The following MAGI1 variants were observed in gnomAD, a reference collection of about 807,000 sequenced individuals.
MAGI1 encodes the protein membrane associated guanylate kinase, WW and PDZ domain containing 1, also known as membrane-associated guanylate kinase, WW and PDZ domain-containing protein 1.
MAGI1 carries 58 observed loss-of-function variants against 139.9 expected under a neutral mutation model. The ratio of observed to expected loss-of-function variants is 0.41; its 90% CI spans 0.34 to 0.52. MAGI1 has a LOEUF of 0.52. MAGI1 is among the 20% of genes least tolerant of loss of function. MAGI1 has a pLI of 0.12. For synonymous variants in MAGI1, 812 were observed against 737.9 expected, an observed-to-expected ratio of 1.10 and a Z score of -1.63; for missense variants, 1,874 against 1,901.6, an observed-to-expected ratio of 0.99 and a Z score of 0.27.
chr3:65,574,109 G>T (rs1036190590), intron 2 of MAGI1, among the ~76,000 whole-genome samples: 3 of 151,952 alleles, frequency 2.0e-5, no homozygotes, highest in African/African-American at 7.2e-5. Context: ...AAGAATACAA[G>T]ATCAATATAT....
intron 14 of MAGI1, 58 bp from the exon 15 acceptor site, chr3:65,383,681 C>T: frequency 9.8e-7 from 1 of 1,023,022 alleles, no homozygotes; most frequent in Non-Finnish European, 1.6e-6. Flanking sequence ...CAATGATACC[C>T]CCAAGATGAA....
At chr3:66,031,250 T>C (rs1030683523) in intron 1 of MAGI1, among the ~76,000 whole-genome samples, 2 of 152,246 alleles carry the variant, frequency 1.3e-5, no homozygotes, top group Non-Finnish European at 2.9e-5. Flanking sequence ...GTTACTTGTA[T>C]ATACAAACTC....
chr3:65,439,713 G>A (rs1045887153), intron 9 of MAGI1, among the ~76,000 whole-genome samples, 166 bp downstream of exon 9: 1 of 152,124 alleles, frequency 6.6e-6, no homozygotes, highest in African/African-American at 2.4e-5. Flanking sequence ...CCATCCAGAG[G>A]AACATGGAGA....
intron 1 of MAGI1, among the ~76,000 whole-genome samples, chr3:66,013,914 T>C (rs1290339606): frequency 1.3e-5 from 2 of 152,148 alleles, no homozygotes; most frequent in Non-Finnish European, 2.9e-5. Context: ...GAGATACTCA[T>C]ACACCTGACG....
intron 14 of MAGI1, among the ~76,000 whole-genome samples, chr3:65,386,960 AC>A (rs1200549452): frequency 1.3e-5 from 2 of 152,092 alleles, no homozygotes; most frequent in African/African-American, 4.8e-5. Context: ...GGCATGCAAA[AC>A]CCTTTTTATT....
chr3:65,703,647 A>C (rs2089769263), intron 1 of MAGI1, among the ~76,000 whole-genome samples: 1 of 152,208 alleles, frequency 6.6e-6, no homozygotes, highest in African/African-American at 2.4e-5. Context: ...AGGTCACACT[A>C]ATAGAAAGTG....
intron 1 of MAGI1, among the ~76,000 whole-genome samples, chr3:65,771,667 A>T (rs1176957771): frequency 6.6e-6 from 1 of 152,240 alleles, no homozygotes; most frequent in African/African-American, 2.4e-5. Flanking sequence ...AAAGCAAATA[A>T]GCTAGTCAGC....
chr3:65,811,970 G>GAT (rs1469125211), intron 1 of MAGI1, among the ~76,000 whole-genome samples: 1 of 151,420 alleles, frequency 6.6e-6, no homozygotes, highest in Admixed American at 6.6e-5. Flanking sequence ...GAGAGAGAGA[G>GAT]CGTGCACTCG....
At chr3:65,463,539 T>C (rs112816291) in intron 5 of MAGI1, among the ~76,000 whole-genome samples, 1,988 of 149,804 alleles carry the variant, frequency 0.013, 45 homozygotes, top group African/African-American at 0.046. Flanking sequence ...TCGATGTTCA[T>C]CAGGGATATT....
chr3:65,522,649 C>T (rs1212579483), intron 2 of MAGI1, among the ~76,000 whole-genome samples: 1 of 152,186 alleles, frequency 6.6e-6, no homozygotes. Flanking sequence ...TTCTTTATGA[C>T]CTCCTCATCG....
At chr3:65,935,237 G>T (rs1398087731) in intron 1 of MAGI1, among the ~76,000 whole-genome samples, 1 of 152,126 alleles carries the variant, frequency 6.6e-6, no homozygotes, top group Non-Finnish European at 1.5e-5. Context: ...AAAAGCTGGA[G>T]AACAAGGTGA....
intron 1 of MAGI1, among the ~76,000 whole-genome samples, chr3:65,871,648 G>C (rs1307868084): frequency 2.6e-5 from 4 of 152,310 alleles, no homozygotes; most frequent in Admixed American, 2.6e-4. Context: ...CGCAGGCTCA[G>C]GGATCCGGCT....
intron 2 of MAGI1, among the ~76,000 whole-genome samples, chr3:65,528,855 G>C (rs1022633445): frequency 2.0e-5 from 3 of 152,142 alleles, no homozygotes; most frequent in African/African-American, 4.8e-5. Context: ...AGACCAGCCT[G>C]GACAATAGAG....
chr3:65,477,718 T>C (rs866009383), intron 4 of MAGI1, among the ~76,000 whole-genome samples: 1 of 144,990 alleles, frequency 6.9e-6, no homozygotes, highest in African/African-American at 2.5e-5. Context: ...ATTATTTTTT[T>C]TTTTTTATTT....
chr3:65,356,272 A>C lies in MAGI1; in HGVS notation c.*106T>G. 9.2e-7 allele frequency: 1 copy of C among 1,084,546 alleles called. No homozygotes were observed. The highest frequency in any genetic ancestry group is 1.3e-6 in the Non-Finnish European group (1 of 777,190). The allele number at this position is 1,084,546 out of a possible 1,614,324, so 67.2% of individuals were successfully genotyped here. A position where few individuals can be genotyped will look rare whatever the true frequency, so the allele number is the denominator to read the frequency against. On this transcript the variant is annotated 3_prime_UTR_variant, in exon 23 of 23. Coordinates refer to ENST00000402939, the MANE Select transcript of MAGI1 (RefSeq NM_001033057.2). The stretch of plus-strand genomic sequence containing the variant: ...AATGTTTGTTGTTATTCATAGGATC[A>C]TCAGGTGTCAGATGCTTCATTAGGT...
At chr3:65,407,135 A>G (rs958027886) in intron 12 of MAGI1, among the ~76,000 whole-genome samples, 4 of 152,282 alleles carry the variant, frequency 2.6e-5, no homozygotes, top group Middle Eastern at 6.8e-3. Context: ...TCGACACAGC[A>G]CTATTTTAAG....
chr3:65,507,725 A>G (rs527725768), intron 2 of MAGI1, among the ~76,000 whole-genome samples: 54 of 152,300 alleles, frequency 3.5e-4, no homozygotes, highest in Middle Eastern at 6.8e-3. Context: ...CCTCATTTCA[A>G]TTAGTTCATG....
chr3:65,808,371 C>A (rs1419058338), intron 1 of MAGI1, among the ~76,000 whole-genome samples: 3 of 151,954 alleles, frequency 2.0e-5, no homozygotes, highest in Non-Finnish European at 4.4e-5. Flanking sequence ...TGGTGGCACA[C>A]TCCTGTAATC....
In MAGI1 at chr3:66,017,135, C is replaced by T. The variant is rs370728869; in HGVS notation, c.313+20861G>A. On this transcript the variant is annotated intron_variant, in intron 1 of 22. Transcript: ENST00000402939. ...AAATGGTTAATTTTATGTTATGTTA[C>T]GTATATTTTACCACAATTTTGTTTA... Among the ~76,000 whole-genome samples, 11 of 152,290 alleles carry T rather than the reference C, an allele frequency of 7.2e-5. No individual in the cohort carries two copies. The South Asian group carries it at 1.9e-3, about 26-fold the overall frequency.
Sources: allele counts gnomAD v4.1 joint callset (sites outside exome capture counted in the v4.1 genomes callset), GRCh38; gene constraint gnomAD v4.1.1; transcripts MANE v1.5; gene names NCBI Gene and HGNC (gene_info 2026-07-23, HGNC 2026-07-21).